Variants in SLC35D4 observed in about 807,000 individuals in gnomAD.
SLC35D4 encodes solute carrier family 35 member D4, also known as UDP-N-acetylglucosamine transporter SLC35D4.
chr18:23,376,108 G>A, the SLC35D4 span, among the ~76,000 whole-genome samples: 3 of 152,160 alleles, frequency 2.0e-5, no homozygotes, highest in Middle Eastern at 3.2e-3. Flanking sequence ...CAAAAGCACC[G>A]AATACAATGT....
At chr18:23,358,672 C>T in the SLC35D4 span, among the ~76,000 whole-genome samples, 1 of 152,152 alleles carries the variant, frequency 6.6e-6, no homozygotes, top group Non-Finnish European at 1.5e-5. Context: ...CTATTTTCCT[C>T]ACCCCTGCAC....
At chr18:23,302,233 G>A in the SLC35D4 span, among the ~76,000 whole-genome samples, 2 of 152,234 alleles carry the variant, frequency 1.3e-5, no homozygotes, top group African/African-American at 2.4e-5. Context: ...GAGCAGCTGA[G>A]GACCTGACAC....
At chr18:23,295,937 C>T in the SLC35D4 span, 9 of 152,066 alleles carry the variant, frequency 5.9e-5, no homozygotes, top group Non-Finnish European at 1.3e-4. Flanking sequence ...TTTGAAACAT[C>T]TATTAGGAAC....
At chr18:23,356,560 C>T in the SLC35D4 span, 4 of 1,609,090 alleles carry the variant, frequency 2.5e-6, no homozygotes, top group Non-Finnish European at 3.4e-6. The surrounding 1 kb of genome is among the most constrained non-coding windows in gnomAD (Gnocchi z 4.1). Flanking sequence ...GCGGACAGCA[C>T]AGAAAGCATA....
chr18:23,288,365 C>T, the SLC35D4 span, among the ~76,000 whole-genome samples: 1 of 152,224 alleles, frequency 6.6e-6, no homozygotes, highest in East Asian at 1.9e-4. Flanking sequence ...AATCTATCCT[C>T]AAGGAAATAA....
At chr18:23,371,369 C>G in the SLC35D4 span, 1 of 1,414,356 alleles carries the variant, frequency 7.1e-7, no homozygotes, top group African/African-American at 1.5e-5. Flanking sequence ...TGCTGGGATT[C>G]CAGGTATGAG....
the SLC35D4 span, among the ~76,000 whole-genome samples, chr18:23,247,331 C>T: frequency 6.6e-6 from 1 of 152,240 alleles, no homozygotes; most frequent in African/African-American, 2.4e-5. Flanking sequence ...CCCTCTGGAA[C>T]CTGCCTGGAA....
At chr18:23,430,339 G>A in the SLC35D4 span, among the ~76,000 whole-genome samples, 22 of 152,040 alleles carry the variant, frequency 1.4e-4, 1 homozygote, top group Admixed American at 1.1e-3. Context: ...CTCCCAAAGC[G>A]CTGGTATTAT....
the SLC35D4 span, among the ~76,000 whole-genome samples, chr18:23,356,013 C>T: frequency 6.6e-6 from 1 of 152,184 alleles, no homozygotes; most frequent in Non-Finnish European, 1.5e-5. The surrounding 1 kb of genome is among the most constrained non-coding windows in gnomAD (Gnocchi z 4.1). Context: ...TGAGGATACA[C>T]TTCTGTGTGT....
the SLC35D4 span, among the ~76,000 whole-genome samples, chr18:23,422,219 G>C: frequency 6.6e-6 from 1 of 152,042 alleles, no homozygotes; most frequent in Non-Finnish European, 1.5e-5. Flanking sequence ...TGGGCTTCCA[G>C]TGTCCATCAA....
At chr18:23,395,949 T>C in the SLC35D4 span, among the ~76,000 whole-genome samples, 1 of 152,214 alleles carries the variant, frequency 6.6e-6, no homozygotes, top group Non-Finnish European at 1.5e-5. Context: ...TGGTGAGCTG[T>C]GTGTCTTTCA....
the SLC35D4 span, among the ~76,000 whole-genome samples, chr18:23,337,927 A>T: frequency 6.6e-6 from 1 of 152,198 alleles, no homozygotes; most frequent in African/African-American, 2.4e-5. Context: ...AAGAGGCTGA[A>T]ATTAACCAGC....
At chr18:23,264,989 G>A in the SLC35D4 span, among the ~76,000 whole-genome samples, 23 of 152,192 alleles carry the variant, frequency 1.5e-4, no homozygotes, top group South Asian at 2.9e-3. Context: ...ACTCACTATC[G>A]TGAGGACAGC....
the SLC35D4 span, among the ~76,000 whole-genome samples, chr18:23,287,608 T>C: frequency 6.6e-6 from 1 of 152,174 alleles, no homozygotes; most frequent in Non-Finnish European, 1.5e-5. Flanking sequence ...ACTTTCGCCT[T>C]TGGATACCTG....
At chr18:23,298,693 C>G in the SLC35D4 span, among the ~76,000 whole-genome samples, 1 of 152,224 alleles carries the variant, frequency 6.6e-6, no homozygotes, top group Admixed American at 6.5e-5. Flanking sequence ...TCTCCACTTT[C>G]TATTTTGAAC....
At chr18:23,244,084 C>T in the SLC35D4 span, among the ~76,000 whole-genome samples, 3 of 152,128 alleles carry the variant, frequency 2.0e-5, no homozygotes, top group Non-Finnish European at 2.9e-5. Flanking sequence ...TGACGTTCCA[C>T]GCAGTTTGGC....
chr18:23,424,964 T>A, the SLC35D4 span, among the ~76,000 whole-genome samples: 1 of 152,158 alleles, frequency 6.6e-6, no homozygotes, highest in African/African-American at 2.4e-5. Flanking sequence ...AACATTTTTT[T>A]AAAAGAAGAA....
chr18:23,414,364 GAA>G, the SLC35D4 span, among the ~76,000 whole-genome samples: 1 of 135,592 alleles, frequency 7.4e-6, no homozygotes, highest in Non-Finnish European at 1.6e-5. Context: ...GCAGGAAGGG[GAA>G]AGAGAGAAAG....
At chr18:23,409,804 A>C in the SLC35D4 span, among the ~76,000 whole-genome samples, 5 of 148,568 alleles carry the variant, frequency 3.4e-5, no homozygotes, top group South Asian at 1.1e-3. Flanking sequence ...AGATCGCACC[A>C]TTGCACTCCA....
Sources: allele counts gnomAD v4.1 joint callset (sites outside exome capture counted in the v4.1 genomes callset), GRCh38; gene constraint gnomAD v4.1.1; non-coding constraint Gnocchi (gnomAD v3.1); transcripts MANE v1.5; gene names NCBI Gene and HGNC (gene_info 2026-07-23, HGNC 2026-07-21).